CHD1: variants seen among roughly 807,000 people sequenced by gnomAD.
CHD1 encodes the protein ATP-dependent chromatin remodeler CHD1.
A neutral mutation model predicts 224.2 loss-of-function variants in CHD1; 36 were observed. The observed-to-expected ratio is 0.16, with a 90% CI of 0.12 to 0.21. The LOEUF is 0.21. CHD1 is among the 10% of genes least tolerant of loss of function. The pLI is 1.00. For missense variants in CHD1, 1,378 were observed against 1,994.8 expected (o/e 0.69, Z 5.89); for synonymous variants, 668 against 658.3 (o/e 1.01, Z -0.23).
intron 17 of CHD1, among the ~76,000 whole-genome samples, chr5:98,887,748 T>A (rs1006249633): frequency 6.6e-6 from 1 of 152,130 alleles, no homozygotes; most frequent in African/African-American, 2.4e-5. Context: ...TTTTCCTCAT[T>A]CAGATTGAAG....
chr5:98,902,704 C>T (rs1751798658), intron 5 of CHD1, among the ~76,000 whole-genome samples, 196 bp downstream of exon 5: 1 of 151,924 alleles, frequency 6.6e-6, no homozygotes, highest in African/African-American at 2.4e-5. Flanking sequence ...TGGCATAATA[C>T]CCTCAGGTGG....
chr5:98,856,709 C>T lies in CHD1; in HGVS notation c.4804G>A (p.Glu1602Lys). 6.2e-7 allele frequency: 1 copy of T among 1,604,340 alleles called. No individual in the cohort carries two copies. Among genetic ancestry groups the T allele is most frequent in the Non-Finnish European group, 8.5e-7 (1 of 1,171,926 alleles). ...TGATCATCCAGTTTTCTGTGTTTCT[C>T]TCTGTCACTGTAATATCTAATAAAG... ...KQDSRYYSDR[E>K]KHRKLDDHRS... The change falls in exon 36 of 36, where the codon GAG (glutamate) becomes AAG (lysine). Residue 1602 changes from glutamate to lysine, a missense_variant. Transcript: ENST00000614616.
chr5:98,886,171 GTTTA>G (rs1363226467), intron 17 of CHD1: 1 of 152,286 alleles, frequency 6.6e-6, no homozygotes, highest in African/African-American at 2.4e-5. Context: ...TACTGAAGGT[GTTTA>G]GCAAAGGCCA....
rs977133645 is a variant in CHD1, at chr5:98,868,534, A to C, written c.4209T>G (p.Ser1403=). The C allele has an allele frequency of 4.3e-6, 7 of 1,612,374 alleles. No homozygotes were observed. The change falls in exon 31 of 36, where the codon TCT becomes TCG. Residue 1403 remains serine, a synonymous_variant. Coordinates refer to ENST00000614616, the MANE Select transcript of CHD1 (RefSeq NM_001270.4). ...TCTGATCCAGCTCTTCAGATTCTTC[A>C]GAAATGGGAACTGGTTCACCACTTG... ...ITASGEPVPI[S]EESEELDQKT... is the part of the protein sequence containing the mutation.
intron 3 of CHD1, 123 bp downstream of exon 3, chr5:98,904,774 T>C (rs530368463): frequency 2.2e-6 from 2 of 893,574 alleles, no homozygotes; most frequent in South Asian, 3.2e-5. Context: ...TCACTAAAAG[T>C]AAATTTTAAT....
At position 98,926,321 on chromosome 5, in the gene CHD1, A is replaced by T; in HGVS notation, c.53+13T>A. ...CTTCATAGTAAACAATTGATAACAAAGTGCTTACTTACCTTGATTCTCCAC... is the reference window on the plus strand; with the variant it reads ...CTTCATAGTAAACAATTGATAACAATGTGCTTACTTACCTTGATTCTCCAC... On this transcript the variant is annotated intron_variant, in intron 2 of 35. Transcript: ENST00000614616. 2 of 1,477,984 alleles carry T rather than the reference A, an allele frequency of 1.4e-6. No individual in the cohort carries two copies. Among genetic ancestry groups the T allele is most frequent in the South Asian group, 1.3e-5 (1 of 78,628 alleles). 91.6% of individuals were successfully genotyped at this position (1,477,984 alleles called of 1,614,324 possible).
intron 23 of CHD1, among the ~76,000 whole-genome samples, 163 bp downstream of exon 23, chr5:98,879,389 G>A (rs1750001243): frequency 6.6e-6 from 1 of 152,040 alleles, no homozygotes; most frequent in African/African-American, 2.4e-5. Context: ...ATGAATAAAA[G>A]AGGAAGAAAC....
In CHD1 at chr5:98,892,515, T is replaced by C; in HGVS notation, c.2180+10A>G. 3.7e-6 allele frequency: 6 copies of C among 1,606,124 alleles called. No homozygotes were observed. The highest frequency in any genetic ancestry group is 5.1e-6 in the Non-Finnish European group (6 of 1,174,148). On this transcript the variant is annotated intron_variant, in intron 15 of 35. Transcript: ENST00000614616. ...TAGAAGTTCAGAACTGTGTTCTGTGTACAGCTTACTTGTAATATTGTTTCT... is the reference window on the plus strand; with the variant it reads ...TAGAAGTTCAGAACTGTGTTCTGTGCACAGCTTACTTGTAATATTGTTTCT...
chr5:98,871,900 T>C (rs1749381925), intron 28 of CHD1, 151 bp downstream of exon 28: 2 of 547,180 alleles, frequency 3.7e-6, no homozygotes, highest in South Asian at 4.0e-5. Flanking sequence ...GATCCTTTCA[T>C]GCAAAGCATC....
chr5:98,902,707 T>A (rs1479975785), intron 5 of CHD1, among the ~76,000 whole-genome samples, 193 bp downstream of exon 5: 1 of 152,040 alleles, frequency 6.6e-6, no homozygotes, highest in African/African-American at 2.4e-5. Flanking sequence ...CATAATACCC[T>A]CAGGTGGTCA....
At chr5:98,879,830 A>G (rs1266464834) in intron 22 of CHD1, 102 bp from the exon 23 acceptor site, 3 of 688,164 alleles carry the variant, frequency 4.4e-6, no homozygotes, top group South Asian at 1.8e-5. Context: ...GATAATGAAC[A>G]TGGCTGTGGA....
intron 2 of CHD1, among the ~76,000 whole-genome samples, chr5:98,912,548 G>A (rs2617507): frequency 0.26 from 39,873 of 151,880 alleles, 5,618 homozygotes; most frequent in African/African-American, 0.34. Flanking sequence ...GCACATGCTC[G>A]TGTTCCCAGC....
intron 24 of CHD1, among the ~76,000 whole-genome samples, chr5:98,875,763 A>G (rs533241903): frequency 6.6e-6 from 1 of 152,340 alleles, no homozygotes; most frequent in Admixed American, 6.5e-5. Flanking sequence ...AAAAGTTACA[A>G]TGGCTTCAAA....
chr5:98,877,772 A>T (rs1476594267), intron 23 of CHD1, among the ~76,000 whole-genome samples: 1 of 152,154 alleles, frequency 6.6e-6, no homozygotes, highest in African/African-American at 2.4e-5. Flanking sequence ...TGGAGAAATA[A>T]ACAGAAACAA....
intron 10 of CHD1, among the ~76,000 whole-genome samples, chr5:98,897,614 TG>T (rs1751426999): frequency 6.6e-6 from 1 of 152,152 alleles, no homozygotes; most frequent in Admixed American, 6.5e-5. Flanking sequence ...TACGTTAAAT[TG>T]TTCAAAACCA....
At chr5:98,902,216 A>G (rs1280955843) in intron 5 of CHD1, among the ~76,000 whole-genome samples, 1 of 152,134 alleles carries the variant, frequency 6.6e-6, no homozygotes. Context: ...GAAAGGAAAA[A>G]AAATCCAAAG....
chr5:98,866,658 A>C (rs1449899975), intron 31 of CHD1, among the ~76,000 whole-genome samples: 1 of 152,176 alleles, frequency 6.6e-6, no homozygotes, highest in Non-Finnish European at 1.5e-5. Flanking sequence ...TAAAAGATTC[A>C]GATGCTAGAA....
chr5:98,863,163 G>A (rs1748601173), intron 32 of CHD1, among the ~76,000 whole-genome samples: 1 of 151,954 alleles, frequency 6.6e-6, no homozygotes, highest in South Asian at 2.1e-4. Flanking sequence ...GAATTTTAAT[G>A]AAACAGCTTT....
intron 2 of CHD1, among the ~76,000 whole-genome samples, chr5:98,922,302 T>C (rs1222845557): frequency 6.6e-6 from 1 of 152,226 alleles, no homozygotes; most frequent in Non-Finnish European, 1.5e-5. Context: ...TTCAGTTACA[T>C]AAAACTTTGT....
Sources: gnomAD v4.1 joint callset for allele counts (sites outside exome capture counted in the v4.1 genomes callset) on GRCh38, gnomAD v4.1.1 for gene constraint, MANE v1.5 for transcripts, NCBI Gene and HGNC (gene_info 2026-07-23, HGNC 2026-07-21) for gene names.